Variants in AP1AR observed in about 807,000 individuals in gnomAD.
AP1AR encodes the protein AP-1 complex-associated regulatory protein.
A neutral mutation model predicts 46.3 loss-of-function variants in AP1AR; 29 were observed. The observed-to-expected ratio is 0.63, with a 90% CI of 0.47 to 0.85. The LOEUF is 0.85. Among genes scored for constraint, AP1AR ranks in the 40% least tolerant of loss-of-function variants. The pLI is 0.00. For synonymous variants in AP1AR, 122 were observed against 122.9 expected, an observed-to-expected ratio of 0.99 and a Z score of 0.05; for missense variants, 357 against 356.3, an observed-to-expected ratio of 1.00 and a Z score of -0.02.
At chr4:112,256,586 T>G (rs1726210005) in intron 3 of AP1AR, among the ~76,000 whole-genome samples, 1 of 152,228 alleles carries the variant, frequency 6.6e-6, no homozygotes, top group Non-Finnish European at 1.5e-5. Flanking sequence ...TGTGTTTGGT[T>G]TAGTTGAATG....
intron 3 of AP1AR, among the ~76,000 whole-genome samples, chr4:112,255,382 G>A (rs1212428106): frequency 2.0e-5 from 3 of 152,194 alleles, no homozygotes; most frequent in Admixed American, 1.3e-4. Flanking sequence ...TTGCCATTAA[G>A]TAGGTAAAAT....
At chr4:112,256,832 G>A (rs994546245) in intron 3 of AP1AR, among the ~76,000 whole-genome samples, 11 of 152,174 alleles carry the variant, frequency 7.2e-5, no homozygotes, top group Non-Finnish European at 1.3e-4. Flanking sequence ...TTAAGTTGCT[G>A]TAAATGCTAA....
At chr4:112,251,788 A>G (rs1185048786) in intron 1 of AP1AR, among the ~76,000 whole-genome samples, 2 of 152,264 alleles carry the variant, frequency 1.3e-5, no homozygotes, top group Admixed American at 1.3e-4. Flanking sequence ...GATATAGTCC[A>G]TGAAATCTGT....
In AP1AR at chr4:112,257,774, G is replaced by A. The variant is rs747667130; in HGVS notation, c.162G>A (p.Gly54=). The A allele has an allele frequency of 1.9e-6, 3 of 1,563,716 alleles. No homozygotes were observed. The highest frequency in any genetic ancestry group is 1.2e-5 in the South Asian group (1 of 82,274). Residue 54 remains glycine (G), a splice_region_variant and synonymous_variant, in exon 4 of 10, where the codon GGG becomes GGA. Transcript: ENST00000274000. Reference sequence around the variant, plus strand: ...TTGTTTAATTAATTTTTGTACAGGGGGAGAGCCCAGGAAGCAGTCATAGGT... The same window carrying A: ...TTGTTTAATTAATTTTTGTACAGGGAGAGAGCCCAGGAAGCAGTCATAGGT... ...EFENLVESDE[G]ESPGSSHRPL... is the part of the protein sequence containing the mutation.
At chr4:112,245,402 T>C (rs1359203268) in intron 1 of AP1AR, among the ~76,000 whole-genome samples, 1 of 152,126 alleles carries the variant, frequency 6.6e-6, no homozygotes, top group Non-Finnish European at 1.5e-5. Flanking sequence ...GGGGGAAGAA[T>C]TAAGGAAGAT....
rs1726957751 is a variant in AP1AR, at chr4:112,271,668, G to C, written c.*3259G>C. Among the ~76,000 whole-genome samples the C allele has an allele frequency of 6.6e-6, 1 of 152,198 alleles. No individual in the cohort carries two copies. Among genetic ancestry groups the C allele is most frequent in the Non-Finnish European group, 1.5e-5 (1 of 68,034 alleles). ...TGATTTGACTTCAGTGTAATGGGAG[G>C]AACAGGTTTGGGAAAGTGGGGAAAA... On this transcript the variant is annotated 3_prime_UTR_variant, in exon 10 of 10. Transcript: ENST00000274000.
At chr4:112,233,233 TTATAAAA>T (rs1725095651) in intron 1 of AP1AR, among the ~76,000 whole-genome samples, 1 of 152,224 alleles carries the variant, frequency 6.6e-6, no homozygotes, top group Admixed American at 6.5e-5. Flanking sequence ...AATGGAGATC[TTATAAAA>T]TATAGGATTC....
chr4:112,243,384 G>A (rs1479454053), intron 1 of AP1AR, among the ~76,000 whole-genome samples: 4 of 152,102 alleles, frequency 2.6e-5, no homozygotes, highest in Non-Finnish European at 5.9e-5. Context: ...TTTCCAGTCC[G>A]TCTCCCAAAC....
At chr4:112,238,057 G>A (rs1000441600) in intron 1 of AP1AR, among the ~76,000 whole-genome samples, 32 of 152,236 alleles carry the variant, frequency 2.1e-4, no homozygotes, top group African/African-American at 7.7e-4. Context: ...AATGAGTGTG[G>A]CTATATTTCA....
rs1725025222 is a variant in AP1AR at position 112,232,072 on chromosome 4, C to T, written c.-20C>T. 2 of 1,349,358 alleles carry T rather than the reference C, an allele frequency of 1.5e-6. No homozygotes were observed. Among genetic ancestry groups the T allele is most frequent in the African/African-American group, 1.5e-5 (1 of 65,620 alleles). 83.6% of individuals were successfully genotyped at this position (1,349,358 alleles called of 1,614,324 possible). A position where few individuals can be genotyped will look rare whatever the true frequency, so the allele number is the denominator to read the frequency against. On this transcript the variant is annotated 5_prime_UTR_variant, in exon 1 of 10. Transcript: ENST00000274000. ...TGAGCGGGAGGAGGAGGAGGAGCGG[C>T]GGCGCCTGGGCGGCATGCGATGGGG...
rs939634661 is a variant in AP1AR at position 112,231,847 on chromosome 4, G to T, written c.-245G>T. The T allele has an allele frequency of 1.6e-5, 6 of 383,186 alleles. No homozygotes were observed. The highest frequency in any genetic ancestry group is 4.2e-5 in the African/African-American group (2 of 48,168). The allele number at this position is 383,186 out of a possible 1,614,324, so 23.7% of individuals were successfully genotyped here. A position where few individuals can be genotyped will look rare whatever the true frequency, so the allele number is the denominator to read the frequency against. ...CATGCGGACGGCGAGGGAGTCCAGA[G>T]CCTTGAGCCCGGTGCTCCTCCCTCG... On this transcript the variant is annotated 5_prime_UTR_variant, in exon 1 of 10. Transcript: ENST00000274000.
At chr4:112,256,185 G>A (rs1726192819) in intron 3 of AP1AR, among the ~76,000 whole-genome samples, 1 of 152,090 alleles carries the variant, frequency 6.6e-6, no homozygotes, top group East Asian at 1.9e-4. Context: ...ATTAACGTGG[G>A]TAAAAATCCT....
chr4:112,241,218 C>T (rs1725483423), intron 1 of AP1AR, among the ~76,000 whole-genome samples: 2 of 152,120 alleles, frequency 1.3e-5, no homozygotes, highest in Admixed American at 6.5e-5. Context: ...GCTTATTAAA[C>T]AGTAAATATG....
intron 1 of AP1AR, among the ~76,000 whole-genome samples, chr4:112,244,546 T>C (rs1368497842): frequency 2.0e-5 from 3 of 152,150 alleles, no homozygotes; most frequent in Non-Finnish European, 4.4e-5. Context: ...AACAGAGTTG[T>C]CAAGACTAAA....
At chr4:112,253,182 TA>T in intron 1 of AP1AR, 25 bp from the exon 2 acceptor site, 2 of 1,591,926 alleles carry the variant, frequency 1.3e-6, no homozygotes, top group South Asian at 1.1e-5. Flanking sequence ...TTGTGTTTTT[TA>T]AAGTTATTCT....
At chr4:112,261,009 A>G (rs1726419744) in intron 5 of AP1AR, 147 bp downstream of exon 5, 1 of 467,074 alleles carries the variant, frequency 2.1e-6, no homozygotes. Context: ...ATTCCAGCCT[A>G]TTATAATTTC....
intron 1 of AP1AR, among the ~76,000 whole-genome samples, chr4:112,240,103 G>A (rs921878929): frequency 6.6e-5 from 10 of 152,300 alleles, no homozygotes; most frequent in African/African-American, 2.4e-4. Context: ...AAATTCTGAA[G>A]TGGCTTACCA....
At chr4:112,261,428 T>A (rs1192037794) in intron 5 of AP1AR, among the ~76,000 whole-genome samples, 1 of 152,050 alleles carries the variant, frequency 6.6e-6, no homozygotes, top group African/African-American at 2.4e-5. Flanking sequence ...TGAGACCCTG[T>A]CTCAAAAAGG....
At chr4:112,241,239 C>T (rs1315236250) in intron 1 of AP1AR, among the ~76,000 whole-genome samples, 1 of 152,070 alleles carries the variant, frequency 6.6e-6, no homozygotes, top group Non-Finnish European at 1.5e-5. Context: ...ATTATTATTA[C>T]TACCTGTATT....
Sources: gnomAD v4.1 joint callset for allele counts (sites outside exome capture counted in the v4.1 genomes callset) on GRCh38, gnomAD v4.1.1 for gene constraint, MANE v1.5 for transcripts, NCBI Gene and HGNC (gene_info 2026-07-23, HGNC 2026-07-21) for gene names.